ZNF641: variants seen among roughly 807,000 people sequenced by gnomAD.
ZNF641 encodes zinc finger protein 641.
Under a neutral mutation model 46.2 loss-of-function variants are expected in ZNF641, and 26 were observed. That is an observed-to-expected ratio of 0.56 (90% CI 0.41 to 0.78). The LOEUF (loss-of-function observed/expected upper bound fraction) is 0.78, where lower values mean the gene tolerates loss of function less well. ZNF641 is among the 30% of genes least tolerant of loss of function. The probability of loss-of-function intolerance (pLI) is 0.00; values close to 1 mark genes in which losing one functional copy is unlikely to be tolerated. For synonymous variants in ZNF641, 163 were observed against 187.9 expected, an observed-to-expected ratio of 0.87 and a Z score of 1.09; for missense variants, 469 against 517.8, an observed-to-expected ratio of 0.91 and a Z score of 0.91.
At position 48,350,773 on chromosome 12, in the gene ZNF641, C is replaced by T. The variant is rs959802188; in HGVS notation, c.-26+13G>A. 3 of 970,620 alleles carry T rather than the reference C, an allele frequency of 3.1e-6. No homozygotes were observed. Among genetic ancestry groups the T allele is most frequent in the Non-Finnish European group, 3.7e-6 (3 of 816,556 alleles). The allele number at this position is 970,620 out of a possible 1,614,324, so 60.1% of individuals were successfully genotyped here. On this transcript the variant is annotated intron_variant, in intron 1 of 5. Transcript: ENST00000547026. ...CCTCCAGCCGCAGCTCCCTCCGGCC[C>T]GGCTCCACTCACCCCCGGTAGGCTT...
In ZNF641 at chr12:48,340,615, G is replaced by C; in HGVS notation, c.*2358C>G. 1.0e-6 allele frequency: 1 copy of C among 985,346 alleles called. No homozygotes were observed. Among genetic ancestry groups the C allele is most frequent in the Non-Finnish European group, 1.2e-6 (1 of 829,918 alleles). The allele number at this position is 985,346 out of a possible 1,614,324, so 61.0% of individuals were successfully genotyped here. Reference sequence around the variant, plus strand: ...AATATATAATGACCATTTTAGATCGGGGAACTCCCTTTCTTTGAAGGCAGT... The same window carrying C: ...AATATATAATGACCATTTTAGATCGCGGAACTCCCTTTCTTTGAAGGCAGT... On this transcript the variant is annotated 3_prime_UTR_variant, in exon 6 of 6. Coordinates refer to ENST00000547026, the MANE Select transcript of ZNF641 (RefSeq NM_001172681.2).
chr12:48,343,597 G>A lies in ZNF641; in HGVS notation c.651C>T (p.Ser217=), dbSNP rs769693871. 15 of 1,605,004 alleles carry A rather than the reference G, an allele frequency of 9.3e-6. No individual in the cohort carries two copies. The East Asian group carries it at 3.3e-4, about 36-fold the overall frequency. The change falls in exon 6 of 6, where the codon AGC becomes AGT. Residue 217 remains serine, a synonymous_variant. Coordinates refer to ENST00000547026, the MANE Select transcript of ZNF641 (RefSeq NM_001172681.2). ...EHDESWDSMP[S]SSRGMLLGPP... is the part of the protein sequence containing the mutation. ...GCCCCAGGAGCATTCCTCTGGAGCT[G>A]CTGGGCATGGAATCCCAGCTCTCAT...
At chr12:48,350,987 G>GT (rs1953021005), upstream of ZNF641, 1 of 316,732 alleles carries the variant, frequency 3.2e-6, no homozygotes, top group Non-Finnish European at 4.6e-6. Context: ...GCGGAGGTGC[G>GT]GGGAGTGGGA....
At position 48,342,346 on chromosome 12, in the gene ZNF641, T is replaced by G; in HGVS notation, c.*627A>C. ...ACACATGAACAAGGTCTGGCCCCCC[T>G]GGCTTTCATATGGATAAAAAAGGGG... On this transcript the variant is annotated 3_prime_UTR_variant, in exon 6 of 6. Transcript: ENST00000547026. 1.0e-6 allele frequency: 1 copy of G among 985,788 alleles called. No individual in the cohort carries two copies. Among genetic ancestry groups the G allele is most frequent in the Non-Finnish European group, 1.2e-6 (1 of 830,238 alleles). 61.1% of individuals were successfully genotyped at this position (985,788 alleles called of 1,614,324 possible). A position where few individuals can be genotyped will look rare whatever the true frequency, so the allele number is the denominator to read the frequency against.
At chr12:48,348,206 G>T in intron 1 of ZNF641, 91 bp from the exon 2 acceptor site, 1 of 1,275,468 alleles carries the variant, frequency 7.8e-7, no homozygotes, top group Non-Finnish European at 1.1e-6. Context: ...AGGGATAATA[G>T]ACAAAACTAG....
In ZNF641 at chr12:48,343,239, G is replaced by C; in HGVS notation, c.1009C>G (p.Gln337Glu). The C allele has an allele frequency of 6.2e-7, 1 of 1,614,240 alleles. No homozygotes were observed. The highest frequency in any genetic ancestry group is 1.3e-5 in the African/African-American group (1 of 75,064). Residue 337 changes from glutamine to glutamate, a missense_variant, in exon 6 of 6, where the codon CAA becomes GAA. Physicochemically the swap from Gln to Glu is conservative, Grantham distance 29. Around this residue, in one of 3 missense-constraint regions of ZNF641, gnomAD observed 346 missense variants for 354.0 expected, o/e 0.98. Transcript: ENST00000547026. ...GTGCCAGGGCTCTCTCCAACCTCTT[G>C]GCCTTTGCAGGATTTGCCTTCTGCA... The part of the protein sequence containing the change: ...VHAEGKSCKG[Q>E]EVGESPGTRK...
Position 48,342,677 on chromosome 12 carries a change from G to T in ZNF641, c.*296C>A. 1 of 802,584 alleles carries T rather than the reference G, an allele frequency of 1.2e-6. No homozygotes were observed. The highest frequency in any genetic ancestry group is 1.7e-6 in the Non-Finnish European group (1 of 590,776). The allele number at this position is 802,584 out of a possible 1,614,324, so 49.7% of individuals were successfully genotyped here. A position where few individuals can be genotyped will look rare whatever the true frequency, so the allele number is the denominator to read the frequency against. Reference sequence around the variant, plus strand: ...AGCATAGACTCCAACCAATCAGAATGGATTTCAGCCATAAACTGCCAGTAC... The same window carrying T: ...AGCATAGACTCCAACCAATCAGAATTGATTTCAGCCATAAACTGCCAGTAC... On this transcript the variant is annotated 3_prime_UTR_variant, in exon 6 of 6. Transcript: ENST00000547026.
intron 1 of ZNF641, among the ~76,000 whole-genome samples, chr12:48,349,385 CCAAA>C (rs1252612011): frequency 3.9e-5 from 6 of 152,108 alleles, no homozygotes; most frequent in African/African-American, 1.4e-4. Flanking sequence ...TATTCAATAT[CCAAA>C]CAGTCAGAGT....
Position 48,340,783 on chromosome 12 carries a change from G to A in ZNF641, c.*2190C>T. 4 of 985,406 alleles carry A rather than the reference G, an allele frequency of 4.1e-6. No individual in the cohort carries two copies. In the South Asian group the frequency reaches 1.9e-4, roughly 46 times the overall value. 61.0% of individuals were successfully genotyped at this position (985,406 alleles called of 1,614,324 possible). ...TACCCAAGACAGGTTCTGAACCATT[G>A]CTTATGCAGAGCTTTTAGTATTAAA... On this transcript the variant is annotated 3_prime_UTR_variant, in exon 6 of 6. Transcript: ENST00000547026.
Position 48,348,019 on chromosome 12 carries a change from C to CTCTGA in ZNF641, c.71_72insTCAGA (p.Glu24AspfsTer74). On this transcript the variant is annotated frameshift_variant, in exon 2 of 6. Coordinates refer to ENST00000547026, the MANE Select transcript of ZNF641 (RefSeq NM_001172681.2). LOFTEE classifies it high-confidence loss of function. The stretch of plus-strand genomic sequence containing the variant: ...CCTGGCTTCCCCTTTCCACCTGGGG[C>CTCTGA]TCTGCTCCATCCAGCTGTACATTCA... 1 of 1,614,228 alleles carries CTCTGA rather than the reference C, an allele frequency of 6.2e-7. No individual in the cohort carries two copies. The highest frequency in any genetic ancestry group is 8.5e-7 in the Non-Finnish European group (1 of 1,180,030).
intron 2 of ZNF641, 141 bp from the exon 3 acceptor site, chr12:48,347,484 T>G: frequency 1.4e-6 from 1 of 697,052 alleles, no homozygotes; most frequent in East Asian, 2.8e-5. Context: ...TAAATGTAGA[T>G]GAGAAGGCCA....
downstream of ZNF641, among the ~76,000 whole-genome samples, chr12:48,335,636 C>T (rs967155066): frequency 3.3e-5 from 5 of 152,212 alleles, no homozygotes; most frequent in African/African-American, 1.2e-4. Context: ...GGCTGTACTC[C>T]GATGAAATAT....
At chr12:48,350,731 G>A (rs1169740501) in intron 1 of ZNF641, 55 bp downstream of exon 1, 4 of 768,004 alleles carry the variant, frequency 5.2e-6, no homozygotes, top group Non-Finnish European at 6.3e-6. Flanking sequence ...GCCGCCCCGG[G>A]AAGCCAGGCG....
chr12:48,346,660 G>A (rs1952880353), intron 3 of ZNF641, among the ~76,000 whole-genome samples: 1 of 152,120 alleles, frequency 6.6e-6, no homozygotes, highest in Non-Finnish European at 1.5e-5. Context: ...CTTAAAGGAA[G>A]GTAATTAATT....
chr12:48,347,565 C>G (rs1169594458), intron 2 of ZNF641, among the ~76,000 whole-genome samples: 4 of 152,228 alleles, frequency 2.6e-5, no homozygotes, highest in African/African-American at 7.2e-5. Flanking sequence ...ATTTACAGTA[C>G]TTGAATGTAA....
intron 1 of ZNF641, among the ~76,000 whole-genome samples, chr12:48,349,683 A>G (rs1952974855): frequency 6.6e-6 from 1 of 152,218 alleles, no homozygotes; most frequent in Non-Finnish European, 1.5e-5. Flanking sequence ...TTTCCTTTTC[A>G]GAGACTTTTC....
intron 5 of ZNF641, 93 bp downstream of exon 5, chr12:48,344,506 A>T (rs1952809376): frequency 1.3e-6 from 1 of 766,474 alleles, no homozygotes; most frequent in African/African-American, 1.8e-5. Flanking sequence ...TGTCTCTGGA[A>T]CTCTCTGAGG....
In ZNF641 at chr12:48,342,833, T is replaced by C. The variant is rs1363864675; in HGVS notation, c.*140A>G. 10 of 1,443,506 alleles carry C rather than the reference T, an allele frequency of 6.9e-6. No homozygotes were observed. The highest frequency in any genetic ancestry group is 2.5e-5 in the East Asian group (1 of 40,526). The allele number at this position is 1,443,506 out of a possible 1,614,324, so 89.4% of individuals were successfully genotyped here. ...GAACTGGTGAGAAATGCTCTGGCCA[T>C]TGCTGGGACCTCATCTTTCTAGGGA... On this transcript the variant is annotated 3_prime_UTR_variant, in exon 6 of 6. Coordinates refer to ENST00000547026, the MANE Select transcript of ZNF641 (RefSeq NM_001172681.2).
chr12:48,347,956 C>A lies in ZNF641; in HGVS notation c.135G>T (p.Glu45Asp). ...RPWRTVPGPL[E>D]HLCCDLEEEP... ...CCTCTTCAAGGTCACAGCACAGGTG[C>A]TCCAGAGGTCCTGGTACTGTTCTCC... The change falls in exon 2 of 6, where the codon GAG becomes GAT. Residue 45 changes from glutamate (E) to aspartate (D), a missense_variant. Physicochemically the swap from Glu to Asp is conservative, Grantham distance 45 (BLOSUM62 2). Transcript: ENST00000547026. 6.2e-7 allele frequency: 1 copy of A among 1,614,172 alleles called. No individual in the cohort carries two copies.
Sources: gnomAD v4.1 joint callset for allele counts (sites outside exome capture counted in the v4.1 genomes callset) on GRCh38, gnomAD v4.1.1 for gene constraint, gnomAD v4.1.1 regional missense constraint, MANE v1.5 for transcripts, NCBI Gene and HGNC (gene_info 2026-07-23, HGNC 2026-07-21) for gene names.